The following GCN1 variants were observed in gnomAD, a reference collection of about 807,000 sequenced individuals.
GCN1 encodes the protein GCN1 activator of EIF2AK4.
GCN1 carries 90 observed loss-of-function variants against 288.4 expected under a neutral mutation model. The observed-to-expected ratio is 0.31, with a 90% CI of 0.26 to 0.37. GCN1 has a LOEUF of 0.37. GCN1 is among the 10% of genes least tolerant of loss of function. GCN1 has a pLI of 1.00. For synonymous variants in GCN1, 1,386 were observed against 1,420.2 expected, an observed-to-expected ratio of 0.98 and a Z score of 0.54; for missense variants, 2,586 against 3,419.9, an observed-to-expected ratio of 0.76 and a Z score of 6.08.
chr12:120,136,534 G>A lies in GCN1; in HGVS notation c.6976C>T (p.Leu2326=). The A allele has an allele frequency of 1.2e-6, 2 of 1,614,184 alleles. No individual in the cohort carries two copies. Among genetic ancestry groups the A allele is most frequent in the Admixed American group, 1.7e-5 (1 of 60,032 alleles). ...DRFSWNVKAA[L]LETLSLLLAK... is the part of the protein sequence containing the mutation. ...AACAAGAGGCTGAGTGTCTCGAGCA[G>A]AGCCGCCTTCACATTCCAGCTGAAC... The change falls in exon 51 of 58, where the codon CTG becomes TTG. Residue 2326 remains leucine, a synonymous_variant. Transcript: ENST00000300648.
chr12:120,149,098 G>GGC (rs1555300292), intron 36 of GCN1, among the ~76,000 whole-genome samples: 4 of 89,754 alleles, frequency 4.5e-5, no homozygotes, highest in African/African-American at 2.8e-4. Flanking sequence ...GAGCTTTCCT[G>GGC]GGGGGGGAAA....
chr12:120,178,870 G>A lies in GCN1; in HGVS notation c.507C>T (p.Leu169=). 3.7e-6 allele frequency: 6 copies of A among 1,614,124 alleles called. No individual in the cohort carries two copies. The highest frequency in any genetic ancestry group is 5.1e-6 in the Non-Finnish European group (6 of 1,180,012). ...KHAVDGAVKK[L]TKLWKENPGL... is the part of the protein sequence containing the mutation. The stretch of plus-strand genomic sequence containing the variant: ...CTGTCACCTCTTTCCACAGCTTCGT[G>A]AGTTTCTTCACAGCACCATCCACGG... Residue 169 remains leucine, a synonymous_variant, in exon 6 of 58, where the codon CTC becomes CTT. Coordinates refer to ENST00000300648, the MANE Select transcript of GCN1 (RefSeq NM_006836.2).
At chr12:120,177,848 C>A in intron 7 of GCN1, 96 bp from the exon 8 acceptor site, 1 of 871,086 alleles carries the variant, frequency 1.1e-6, no homozygotes, top group African/African-American at 1.6e-5. Context: ...CCAAAAAATA[C>A]AAATCAATGC....
chr12:120,142,969 C>T lies in GCN1; in HGVS notation c.5496-28G>A. On this transcript the variant is annotated intron_variant, in intron 42 of 57. Transcript: ENST00000300648. This position sits in a 1 kb window ranked among gnomAD's most constrained non-coding sequence, Gnocchi z 4.9. ...GAGAAGGAGGCCAACAACACAGTCA[C>T]ACAGCTGCAAGGAGTGGGCTCGGCA... is the stretch of plus-strand genomic sequence containing the variant. 1 of 1,394,078 alleles carries T rather than the reference C, an allele frequency of 7.2e-7. No individual in the cohort carries two copies. The highest frequency in any genetic ancestry group is 1.0e-6 in the Non-Finnish European group (1 of 979,330). 86.4% of individuals were successfully genotyped at this position (1,394,078 alleles called of 1,614,324 possible).
In GCN1 at chr12:120,156,420, T is replaced by C. The variant is rs995689206; in HGVS notation, c.3312+41A>G. ...TCATGCAATTTGCACTTGCATAGAG[T>C]GACAAGGGACACTGCAGTGGCTCTG... On this transcript the variant is annotated intron_variant, in intron 28 of 57. Transcript: ENST00000300648. The surrounding 1 kb of genome is among the most constrained non-coding windows in gnomAD (Gnocchi z 5.8). The C allele has an allele frequency of 1.3e-6, 2 of 1,596,670 alleles. No individual in the cohort carries two copies. Among genetic ancestry groups the C allele is most frequent in the Admixed American group, 3.3e-5 (2 of 59,758 alleles).
In GCN1 at chr12:120,153,858, A is replaced by C. The variant is rs1877651693; in HGVS notation, c.3753T>G (p.Ser1251=). 2 of 1,614,002 alleles carry C rather than the reference A, an allele frequency of 1.2e-6. No individual in the cohort carries two copies. The highest frequency in any genetic ancestry group is 4.5e-5 in the East Asian group (2 of 44,866). Residue 1251 remains serine (S), a synonymous_variant, in exon 32 of 58, where the codon TCT becomes TCG. Coordinates refer to ENST00000300648, the MANE Select transcript of GCN1 (RefSeq NM_006836.2). This position sits in a 1 kb window ranked among gnomAD's most constrained non-coding sequence, Gnocchi z 4.4. The part of the protein sequence containing the change: ...LNKLSQYLDS[S]QVKPLFQFFV... ...AAAACTGAAAGAGTGGCTTCACCTGAGAGCTGTCCAAATACTGGGAGAGCT... is the reference window on the plus strand; with the variant it reads ...AAAACTGAAAGAGTGGCTTCACCTGCGAGCTGTCCAAATACTGGGAGAGCT...
Position 120,178,606 on chromosome 12 carries a change from A to T in GCN1, c.660+19T>A, listed in dbSNP as rs1280515630. On this transcript the variant is annotated intron_variant, in intron 7 of 57. Transcript: ENST00000300648. ...TCCCCAACATAGCAAACCCACAGTC[A>T]CTCTGCCTTGGCACTTGCCTTGTGC... The T allele has an allele frequency of 6.2e-7, 1 of 1,613,708 alleles. No homozygotes were observed. Among genetic ancestry groups the T allele is most frequent in the East Asian group, 2.2e-5 (1 of 44,854 alleles).
rs749551221 is a variant in GCN1, at chr12:120,142,508, G to T, written c.5828C>A (p.Thr1943Lys). 24 of 1,612,342 alleles carry T rather than the reference G, an allele frequency of 1.5e-5. No homozygotes were observed. The highest frequency in any genetic ancestry group is 2.0e-5 in the Non-Finnish European group (24 of 1,178,770). The change falls in exon 44 of 58, where the codon ACG (threonine) becomes AAG (lysine). Residue 1943 changes from threonine to lysine, a missense_variant and splice_region_variant. By Grantham distance (78) the Thr-to-Lys change is moderately conservative (BLOSUM62 -1). Coordinates refer to ENST00000300648, the MANE Select transcript of GCN1 (RefSeq NM_006836.2). The surrounding 1 kb of genome is among the most constrained non-coding windows in gnomAD (Gnocchi z 4.9). ...FLASTCADKR[T>K]IAARTLGDLV... ...CAAAACAAGGCCCAGGAAACTCACC[G>T]TTCTCTTATCTGCACACGTGCTGGC...
intron 51 of GCN1, among the ~76,000 whole-genome samples, chr12:120,135,965 G>A (rs1294203365): frequency 2.6e-5 from 4 of 151,862 alleles, no homozygotes; most frequent in African/African-American, 4.8e-5. Context: ...GCAGTGAGCC[G>A]AGATCGCGCC....
rs144753564 is a variant in GCN1, at chr12:120,150,745, G to A, written c.4309+400C>T. Among the ~76,000 whole-genome samples, 567 of 152,046 alleles carry A rather than the reference G, an allele frequency of 3.7e-3. 3 individuals carry two copies. The highest frequency in any genetic ancestry group is 0.013 in the African/African-American group (545 of 41,478). On this transcript the variant is annotated intron_variant, in intron 34 of 57. Coordinates refer to ENST00000300648, the MANE Select transcript of GCN1 (RefSeq NM_006836.2). ...GAGGTCAGGAGATCGAGACCATCCT[G>A]GCTAACACGGTGAAACCCCGCCTCT...
chr12:120,182,850 G>A (rs2139139583), intron 5 of GCN1, among the ~76,000 whole-genome samples: 1 of 147,416 alleles, frequency 6.8e-6, no homozygotes, highest in East Asian at 2.2e-4. Flanking sequence ...TGAGGCAAGA[G>A]AAACGCTTGA....
At position 120,137,836 on chromosome 12, in the gene GCN1, T is replaced by A; in HGVS notation, c.6394-22A>T. The A allele has an allele frequency of 6.2e-7, 1 of 1,612,784 alleles. No individual in the cohort carries two copies. The highest frequency in any genetic ancestry group is 8.5e-7 in the Non-Finnish European group (1 of 1,178,896). On this transcript the variant is annotated intron_variant, in intron 48 of 57. Transcript: ENST00000300648. This position sits in a 1 kb window ranked among gnomAD's most constrained non-coding sequence, Gnocchi z 5.2. ...TCTCCTGCAAACCACAAGGGACATG[T>A]GTGCTGAGCAGGGATCCTCCGGGCA...
chr12:120,149,729 G>T lies in GCN1; in HGVS notation c.4432-9C>A, dbSNP rs59528801. On this transcript the variant is annotated splice_polypyrimidine_tract_variant and intron_variant, in intron 35 of 57. Coordinates refer to ENST00000300648, the MANE Select transcript of GCN1 (RefSeq NM_006836.2). ...GCACAGTCATCTGCAGCCTCAAGGG[G>T]GGAGAAAACACATTCAGGGGCCTCC... 3 of 1,608,268 alleles carry T rather than the reference G, an allele frequency of 1.9e-6. No homozygotes were observed. Among genetic ancestry groups the T allele is most frequent in the Non-Finnish European group, 2.6e-6 (3 of 1,174,946 alleles).
rs750453936 is a variant in GCN1, at chr12:120,160,222, C to A, written c.2470G>T (p.Val824Leu). ...TCCTTCTGCTTGCTGGTCAGCTGCA[C>A]CTCCTCTTTGATGCCTTTCTTCTTC... is the stretch of plus-strand genomic sequence containing the variant. The part of the protein sequence containing the change: ...IKKKKGIKEE[V>L]QLTSKQKEML... Residue 824 changes from valine (V) to leucine (L), a missense_variant, in exon 23 of 58, where the codon GTG (valine) becomes TTG (leucine). Val to Leu is a conservative substitution (Grantham distance 32). Coordinates refer to ENST00000300648, the MANE Select transcript of GCN1 (RefSeq NM_006836.2). The A allele has an allele frequency of 1.8e-5, 29 of 1,612,224 alleles. No homozygotes were observed. The highest frequency in any genetic ancestry group is 2.4e-5 in the Non-Finnish European group (28 of 1,179,834).
intron 9 of GCN1, among the ~76,000 whole-genome samples, chr12:120,176,424 A>G (rs1028505080): frequency 6.6e-6 from 1 of 152,072 alleles, no homozygotes; most frequent in Admixed American, 6.6e-5. Context: ...ACATCCCACC[A>G]ACACATTTTA....
rs1878480833 is a variant in GCN1 at position 120,176,316 on chromosome 12, G to A, written c.839-99C>T. The A allele has an allele frequency of 1.0e-5, 8 of 764,878 alleles. No individual in the cohort carries two copies. The South Asian group carries it at 1.2e-4, about 11-fold the overall frequency. The allele number at this position is 764,878 out of a possible 1,614,324, so 47.4% of individuals were successfully genotyped here. A position where few individuals can be genotyped will look rare whatever the true frequency, so the allele number is the denominator to read the frequency against. ...CCCAGCAAATGCCACTAGGCCTGCT[G>A]TCTGGCCCTTCATCTCTACAGGCTA... is the stretch of plus-strand genomic sequence containing the variant. On this transcript the variant is annotated intron_variant, in intron 9 of 57. Coordinates refer to ENST00000300648, the MANE Select transcript of GCN1 (RefSeq NM_006836.2).
chr12:120,144,547 C>A lies in GCN1; in HGVS notation c.5352+92G>T. On this transcript the variant is annotated intron_variant, in intron 41 of 57. Coordinates refer to ENST00000300648, the MANE Select transcript of GCN1 (RefSeq NM_006836.2). The surrounding 1 kb of genome is among the most constrained non-coding windows in gnomAD (Gnocchi z 4.7). ...GAAGGCTGAGGGCTCTGCCAACCAA[C>A]CCCAGCCAGCAGGGATCTCTAGCTC... is the stretch of plus-strand genomic sequence containing the variant. The A allele has an allele frequency of 2.6e-6, 4 of 1,555,150 alleles. No homozygotes were observed. In the South Asian group the frequency reaches 3.5e-5, roughly 14 times the overall value.
chr12:120,170,361 C>T (rs763395300), intron 14 of GCN1, 40 bp from the exon 15 acceptor site: 29 of 1,593,052 alleles, frequency 1.8e-5, no homozygotes, highest in African/African-American at 2.7e-5. Context: ...ACATCCTGAT[C>T]CTTGGAAATG....
rs1594265007 is a variant in GCN1 at position 120,144,569 on chromosome 12, G to A, written c.5352+70C>T. 2.6e-6 allele frequency: 4 copies of A among 1,551,444 alleles called. No individual in the cohort carries two copies. The East Asian group carries it at 9.0e-5, about 35-fold the overall frequency. ...CAACCCCAGCCAGCAGGGATCTCTA[G>A]CTCTCCAGGTGAGCACTTGCCTCCT... On this transcript the variant is annotated intron_variant, in intron 41 of 57. Transcript: ENST00000300648. This position sits in a 1 kb window ranked among gnomAD's most constrained non-coding sequence, Gnocchi z 4.7.
Sources: gnomAD v4.1 joint callset for allele counts (sites outside exome capture counted in the v4.1 genomes callset) on GRCh38, gnomAD v4.1.1 for gene constraint, Gnocchi (gnomAD v3.1) non-coding constraint, MANE v1.5 for transcripts, NCBI Gene and HGNC (gene_info 2026-07-23, HGNC 2026-07-21) for gene names.